RABGAP1: variants seen among roughly 807,000 people sequenced by gnomAD.
RABGAP1 encodes the protein rab GTPase-activating protein 1.
A neutral mutation model predicts 137.6 loss-of-function variants in RABGAP1; 23 were observed. The ratio of observed to expected loss-of-function variants is 0.17; its 90% CI spans 0.12 to 0.24. The LOEUF is 0.24. Among genes scored for constraint, RABGAP1 ranks in the 10% least tolerant of loss-of-function variants. The pLI, the probability that RABGAP1 is intolerant of heterozygous loss-of-function variation, is 1.00. For missense variants in RABGAP1, 906 were observed against 1,275.8 expected, an observed-to-expected ratio of 0.71 and a Z score of 4.42; for synonymous variants, 451 against 450.7, an observed-to-expected ratio of 1.00 and a Z score of -0.01.
chr9:123,059,189 T>C (rs970705532), intron 13 of RABGAP1, among the ~76,000 whole-genome samples: 31 of 152,118 alleles, frequency 2.0e-4, no homozygotes, highest in African/African-American at 6.3e-4. Context: ...GTTGTGCCAG[T>C]AGAAGTAAAG....
At chr9:123,084,893 G>A (rs2034820040) in intron 19 of RABGAP1, among the ~76,000 whole-genome samples, 1 of 152,174 alleles carries the variant, frequency 6.6e-6, no homozygotes, top group Non-Finnish European at 1.5e-5. Flanking sequence ...GTAAGTCATT[G>A]GCAGAGCCAG....
Position 123,104,492 on chromosome 9 carries a change from T to C in RABGAP1, c.*1279T>C, listed in dbSNP as rs960961796. The C allele has an allele frequency of 1.3e-5, 2 of 152,632 alleles. No homozygotes were observed. Among genetic ancestry groups the C allele is most frequent in the African/African-American group, 2.4e-5 (1 of 41,438 alleles). 9.5% of individuals were successfully genotyped at this position (152,632 alleles called of 1,614,324 possible). On this transcript the variant is annotated 3_prime_UTR_variant, in exon 26 of 26. Transcript: ENST00000373647. ...GGCTGACACGCAGATGGTTTTGTCCTCTTTTCTGCGTTCAGTGTTGAGGCG... is the reference window on the plus strand; with the variant it reads ...GGCTGACACGCAGATGGTTTTGTCCCCTTTTCTGCGTTCAGTGTTGAGGCG...
chr9:123,040,211 C>A (rs1175580893), intron 13 of RABGAP1, among the ~76,000 whole-genome samples: 3 of 152,154 alleles, frequency 2.0e-5, no homozygotes, highest in African/African-American at 7.2e-5. Flanking sequence ...GAAGAATGTA[C>A]CAAGGCTTCC....
chr9:122,943,507 A>G (rs1409366238), intron 1 of RABGAP1, among the ~76,000 whole-genome samples: 3 of 152,222 alleles, frequency 2.0e-5, no homozygotes, highest in South Asian at 2.1e-4. Context: ...TTTGCAGTTT[A>G]TAAGAGTTGT....
At chr9:123,015,497 G>C in intron 11 of RABGAP1, 46 bp from the exon 12 acceptor site, 5 of 1,236,530 alleles carry the variant, frequency 4.0e-6, no homozygotes, top group East Asian at 2.4e-5. Context: ...CTTCTGGCTA[G>C]CATAGCCATC....
the RABGAP1 span, among the ~76,000 whole-genome samples, chr9:122,932,124 T>G: frequency 1.3e-5 from 2 of 152,318 alleles, no homozygotes; most frequent in East Asian, 1.9e-4. Flanking sequence ...CAAGTTCATC[T>G]CATCTCCTAT....
intron 4 of RABGAP1, among the ~76,000 whole-genome samples, chr9:122,986,747 T>C (rs1836391048): frequency 6.6e-6 from 1 of 152,180 alleles, no homozygotes; most frequent in South Asian, 2.1e-4. Context: ...GACACATTAT[T>C]TCAAAATGGA....
intron 2 of RABGAP1, among the ~76,000 whole-genome samples, chr9:122,958,267 C>G (rs945667939): frequency 6.6e-6 from 1 of 152,188 alleles, no homozygotes; most frequent in Non-Finnish European, 1.5e-5. Flanking sequence ...CCTCCAGGAG[C>G]CTGTGCGAAG....
At chr9:122,955,834 A>T (rs904966789) in intron 1 of RABGAP1, among the ~76,000 whole-genome samples, 2 of 152,202 alleles carry the variant, frequency 1.3e-5, no homozygotes, top group Non-Finnish European at 2.9e-5. Context: ...ATAAATCAGG[A>T]CTTCTCAGTC....
intron 3 of RABGAP1, among the ~76,000 whole-genome samples, chr9:122,985,365 A>G (rs1195396331): frequency 5.9e-5 from 9 of 152,244 alleles, no homozygotes; most frequent in Non-Finnish European, 1.3e-4. Context: ...CTGTGATCCC[A>G]GCACATTGGG....
intron 6 of RABGAP1, chr9:122,990,796 AATATATATATATATATATAT>A (rs1188480184): frequency 2.2e-4 from 6 of 27,746 alleles, no homozygotes; most frequent in African/African-American, 7.1e-4. Context: ...AAAAAAAAAA[AATATATATATATATATATAT>A]ATATATATAT....
intron 21 of RABGAP1, among the ~76,000 whole-genome samples, chr9:123,092,461 G>C (rs540571497): frequency 1.3e-5 from 2 of 152,230 alleles, no homozygotes; most frequent in Admixed American, 1.3e-4. Flanking sequence ...TCCATTTATG[G>C]ATGAGGATTT....
intron 10 of RABGAP1, among the ~76,000 whole-genome samples, chr9:122,999,885 A>G (rs1446346325): frequency 6.6e-6 from 1 of 151,654 alleles, no homozygotes. Context: ...TTTTCTTCAG[A>G]TGGGATACTT....
At chr9:122,994,537 T>C (rs981339076) in intron 6 of RABGAP1, among the ~76,000 whole-genome samples, 2 of 152,220 alleles carry the variant, frequency 1.3e-5, no homozygotes, top group Non-Finnish European at 2.9e-5. Context: ...AATGGAAGTA[T>C]TCAAAAATGT....
chr9:123,076,429 C>T (rs762775631), intron 18 of RABGAP1, 143 bp downstream of exon 18: 64 of 1,145,682 alleles, frequency 5.6e-5, no homozygotes, highest in African/African-American at 9.5e-5. Context: ...CTGACAAAAG[C>T]GAAGAAATAT....
intron 13 of RABGAP1, among the ~76,000 whole-genome samples, chr9:123,056,083 G>A (rs2033681805): frequency 1.3e-5 from 2 of 152,192 alleles, no homozygotes; most frequent in Admixed American, 1.3e-4. Context: ...TCTCCAAGGA[G>A]GGTTGGTTCC....
rs543294408 is a variant in RABGAP1, at chr9:123,096,086, C to T, written c.2629-1655C>T. 2.0e-5 allele frequency among the ~76,000 whole-genome samples: 3 copies of T among 152,290 alleles called. No individual in the cohort carries two copies. The South Asian group carries it at 6.2e-4, about 32-fold the overall frequency. ...TTAGGCCAAATTGGTTGATAGTGCT[C>T]AAGTCTTATGTAGAACAACTTGATT... On this transcript the variant is annotated intron_variant, in intron 21 of 25. Coordinates refer to ENST00000373647, the MANE Select transcript of RABGAP1 (RefSeq NM_012197.4).
At chr9:123,076,871 A>G in intron 19 of RABGAP1, 109 bp downstream of exon 19, 2 of 672,014 alleles carry the variant, frequency 3.0e-6, no homozygotes, top group Non-Finnish European at 3.9e-6. Context: ...AACATTTATA[A>G]TACATATTAG....
At chr9:123,057,007 G>C (rs576665894) in intron 13 of RABGAP1, among the ~76,000 whole-genome samples, 48 of 152,340 alleles carry the variant, frequency 3.2e-4, no homozygotes, top group African/African-American at 1.2e-3. Flanking sequence ...TCCCAGATGC[G>C]GTGGTGGCCG....
Sources: gnomAD v4.1 joint callset for allele counts (sites outside exome capture counted in the v4.1 genomes callset) on GRCh38, gnomAD v4.1.1 for gene constraint, MANE v1.5 for transcripts, NCBI Gene and HGNC (gene_info 2026-07-23, HGNC 2026-07-21) for gene names.